MAST4: variants seen among roughly 807,000 people sequenced by gnomAD.
MAST4 encodes microtubule-associated serine/threonine-protein kinase 4.
A neutral mutation model predicts 162.7 loss-of-function variants in MAST4; 89 were observed. The observed-to-expected ratio is 0.55, with a 90% CI of 0.46 to 0.65. The LOEUF (loss-of-function observed/expected upper bound fraction) is 0.65. MAST4 is among the 30% of genes least tolerant of loss of function. The pLI is 0.00. For missense variants in MAST4, 3,153 were observed against 3,374.0 expected (o/e 0.93, Z 1.62); for synonymous variants, 1,479 against 1,361.1 (o/e 1.09, Z -1.91).
chr5:66,692,145 A>G (rs6877960), intron 1 of MAST4, among the ~76,000 whole-genome samples: 71,461 of 151,876 alleles, frequency 0.47, 17,910 homozygotes, highest in African/African-American at 0.6. Flanking sequence ...ACTCTCTCTC[A>G]CACTCTCACT....
chr5:66,688,207 A>G (rs1473731111), intron 1 of MAST4, among the ~76,000 whole-genome samples: 2 of 152,214 alleles, frequency 1.3e-5, no homozygotes, highest in African/African-American at 4.8e-5. Context: ...AGTCTATCAA[A>G]AGGAATGGCC....
intron 4 of MAST4, among the ~76,000 whole-genome samples, chr5:66,966,663 G>A (rs192424425): frequency 3.0e-4 from 46 of 152,316 alleles, no homozygotes; most frequent in African/African-American, 1.1e-3. Flanking sequence ...TGGCCTAGAA[G>A]GTGGTATTCT....
chr5:67,014,780 G>T (rs1753081713), intron 4 of MAST4, among the ~76,000 whole-genome samples: 1 of 152,198 alleles, frequency 6.6e-6, no homozygotes, highest in South Asian at 2.1e-4. Flanking sequence ...TGGCCAAAAT[G>T]CCATTTTAGC....
chr5:66,603,945 A>G (rs759778630), intron 1 of MAST4, among the ~76,000 whole-genome samples: 2 of 152,370 alleles, frequency 1.3e-5, no homozygotes, highest in Admixed American at 1.3e-4. Flanking sequence ...AAAATACAAA[A>G]TTAAGCAGAA....
At chr5:67,135,325 C>T (rs1769475484) in intron 18 of MAST4, among the ~76,000 whole-genome samples, 1 of 152,074 alleles carries the variant, frequency 6.6e-6, no homozygotes, top group Non-Finnish European at 1.5e-5. Flanking sequence ...TGGCCTGTGG[C>T]AAAACTAAAT....
Position 67,166,213 on chromosome 5 carries a change from T to G in MAST4, c.7034T>G (p.Leu2345Arg). The G allele has an allele frequency of 1.3e-6, 2 of 1,552,766 alleles. No homozygotes were observed. Among genetic ancestry groups the G allele is most frequent in the Non-Finnish European group, 1.7e-6 (2 of 1,147,470 alleles). Residue 2345 changes from leucine to arginine, a missense_variant, in exon 29 of 29, where the codon CTG becomes CGG. This residue lies in a region of MAST4 where 1,644 missense variants were observed against 1,495.0 expected (regional missense o/e 1.10). Transcript: ENST00000403625. ...KPSTVKDCPT[L>R]CKQTDNRQTD... ...TCCACTGTGAAAGATTGCCCCACCCTGTGCAAACAGACAGACAACAGACAG... is the reference window on the plus strand; with the variant it reads ...TCCACTGTGAAAGATTGCCCCACCCGGTGCAAACAGACAGACAACAGACAG...
At chr5:66,958,061 A>C (rs1448244150) in intron 4 of MAST4, among the ~76,000 whole-genome samples, 1 of 152,190 alleles carries the variant, frequency 6.6e-6, no homozygotes, top group Non-Finnish European at 1.5e-5. Context: ...CCTTTGAAAT[A>C]TAACTGCTTG....
At chr5:66,823,052 G>T in intron 3 of MAST4, among the ~76,000 whole-genome samples, 1 of 152,236 alleles carries the variant, frequency 6.6e-6, no homozygotes, top group East Asian at 1.9e-4. Flanking sequence ...TGTTCTCATG[G>T]TAGTGAGTGA....
At chr5:67,052,131 A>G (rs1758258254) in intron 4 of MAST4, among the ~76,000 whole-genome samples, 1 of 152,158 alleles carries the variant, frequency 6.6e-6, no homozygotes, top group Admixed American at 6.5e-5. Context: ...ATTCTGAGGT[A>G]ATTTGTTTTT....
rs570683767 is a variant in MAST4 at position 66,807,472 on chromosome 5, C to T, written c.642+18678C>T. Among the ~76,000 whole-genome samples, 11 of 150,108 alleles carry T rather than the reference C, an allele frequency of 7.3e-5. No individual in the cohort carries two copies. The South Asian group carries it at 1.7e-3, about 23-fold the overall frequency. On this transcript the variant is annotated intron_variant, in intron 3 of 28. Transcript: ENST00000403625. ...GATTGCGCCACTGCAGTCCGCAGTC[C>T]GGCCTGGGCGACAGAGCGAGACTCC...
intron 4 of MAST4, among the ~76,000 whole-genome samples, chr5:66,918,258 A>C (rs1764248698): frequency 6.6e-6 from 1 of 152,154 alleles, no homozygotes; most frequent in Admixed American, 6.5e-5. Flanking sequence ...TTTATGTACC[A>C]AATTATGAAG....
At chr5:67,019,630 A>AGCTCAGAAAC in intron 4 of MAST4, among the ~76,000 whole-genome samples, 1 of 152,174 alleles carries the variant, frequency 6.6e-6, no homozygotes, top group South Asian at 2.1e-4. Context: ...ACCATTATTT[A>AGCTCAGAAAC]ATTTTCAGAC....
At chr5:67,088,368 T>A (rs1174608783) in intron 5 of MAST4, among the ~76,000 whole-genome samples, 1 of 152,248 alleles carries the variant, frequency 6.6e-6, no homozygotes, top group Non-Finnish European at 1.5e-5. Flanking sequence ...AGTTATTGTG[T>A]TACGCCTAAT....
chr5:66,597,284 G>T (rs922759353), intron 1 of MAST4, among the ~76,000 whole-genome samples: 2 of 152,220 alleles, frequency 1.3e-5, no homozygotes, highest in Admixed American at 1.3e-4. Context: ...AAACTCCTTC[G>T]TGTTTGTATC....
chr5:66,997,965 G>A (rs77270607), intron 4 of MAST4, among the ~76,000 whole-genome samples: 2,669 of 152,302 alleles, frequency 0.018, 87 homozygotes, highest in African/African-American at 0.061. Context: ...GATTGTTACA[G>A]AAGCATGTGA....
intron 2 of MAST4, among the ~76,000 whole-genome samples, chr5:66,761,561 ATT>A (rs139796536): frequency 5.6e-5 from 8 of 142,878 alleles, no homozygotes; most frequent in African/African-American, 7.6e-5. Context: ...TGAATTACTC[ATT>A]TTTTTTTTTT....
intron 5 of MAST4, among the ~76,000 whole-genome samples, chr5:67,078,988 G>GA (rs1762283491): frequency 8.3e-6 from 1 of 120,708 alleles, no homozygotes; most frequent in Non-Finnish European, 1.6e-5. Flanking sequence ...ACCAAAATCT[G>GA]AAAAAATTTA....
intron 1 of MAST4, among the ~76,000 whole-genome samples, chr5:66,629,712 T>C (rs1412847997): frequency 1.3e-5 from 2 of 152,256 alleles, no homozygotes; most frequent in Non-Finnish European, 1.5e-5. Context: ...TGGGAGCTGA[T>C]GAAAGAATGG....
At chr5:66,821,968 C>T in intron 3 of MAST4, among the ~76,000 whole-genome samples, 1 of 152,118 alleles carries the variant, frequency 6.6e-6, no homozygotes, top group Admixed American at 6.5e-5. Flanking sequence ...CATGGGCTGC[C>T]CTTACCTTGA....
Sources: allele counts gnomAD v4.1 joint callset (sites outside exome capture counted in the v4.1 genomes callset), GRCh38; gene constraint gnomAD v4.1.1; regional missense constraint gnomAD v4.1.1; transcripts MANE v1.5; gene names NCBI Gene and HGNC (gene_info 2026-07-23, HGNC 2026-07-21).